The following TEC variants were observed in gnomAD, a reference collection of about 807,000 sequenced individuals.
The protein encoded by TEC is tyrosine-protein kinase Tec.
TEC carries 72 observed loss-of-function variants against 93.0 expected under a neutral mutation model. The ratio of observed to expected loss-of-function variants is 0.77; its 90% CI spans 0.64 to 0.94. The LOEUF (loss-of-function observed/expected upper bound fraction) is 0.94. TEC is among the 40% of genes least tolerant of loss of function. The probability of loss-of-function intolerance (pLI) is 0.00; values close to 1 mark genes in which losing one functional copy is unlikely to be tolerated. For missense variants in TEC, 630 were observed against 757.9 expected, an observed-to-expected ratio of 0.83 and a Z score of 1.98; for synonymous variants, 249 against 247.7, an observed-to-expected ratio of 1.01 and a Z score of -0.05.
intron 1 of TEC, among the ~76,000 whole-genome samples, chr4:48,258,028 A>G (rs1326746683): frequency 6.6e-6 from 1 of 152,210 alleles, no homozygotes; most frequent in African/African-American, 2.4e-5. Flanking sequence ...CAAGTCATAT[A>G]GTGAATGTTT....
intron 2 of TEC, among the ~76,000 whole-genome samples, chr4:48,204,127 C>T (rs1722625406): frequency 6.6e-6 from 1 of 152,158 alleles, no homozygotes; most frequent in Admixed American, 6.5e-5. Flanking sequence ...CTAGATTGGC[C>T]CTTGACTGGC....
chr4:48,159,285 A>G (rs745949597), intron 8 of TEC, among the ~76,000 whole-genome samples: 5 of 152,250 alleles, frequency 3.3e-5, no homozygotes, highest in African/African-American at 4.8e-5. Context: ...AGCATCTGAA[A>G]AAAGGCCTCA....
chr4:48,186,147 G>C (rs549823835), intron 2 of TEC, among the ~76,000 whole-genome samples: 1 of 152,236 alleles, frequency 6.6e-6, no homozygotes, highest in Non-Finnish European at 1.5e-5. Context: ...ACGGAGTCTC[G>C]CTCACTAGGT....
At chr4:48,181,630 G>A (rs976930034) in intron 2 of TEC, among the ~76,000 whole-genome samples, 19 of 149,278 alleles carry the variant, frequency 1.3e-4, no homozygotes, top group East Asian at 5.9e-4. Context: ...CCGAGATAGT[G>A]CCACTGCATT....
intron 15 of TEC, among the ~76,000 whole-genome samples, 189 bp downstream of exon 15, chr4:48,141,166 A>G (rs925830645): frequency 1.3e-5 from 2 of 152,178 alleles, no homozygotes; most frequent in African/African-American, 4.8e-5. Context: ...CAGGAAATAC[A>G]GTGTATTTAA....
chr4:48,238,045 C>G (rs948789556), intron 1 of TEC, among the ~76,000 whole-genome samples: 1 of 152,164 alleles, frequency 6.6e-6, no homozygotes, highest in African/African-American at 2.4e-5. Flanking sequence ...AATATATACT[C>G]TCAGCTTAAA....
chr4:48,171,060 A>G (rs565298117), intron 4 of TEC, among the ~76,000 whole-genome samples: 1 of 152,182 alleles, frequency 6.6e-6, no homozygotes, highest in Admixed American at 6.5e-5. Context: ...CAAAAAAAAA[A>G]CAAGAAAACA....
chr4:48,265,560 T>G (rs1485691742), intron 1 of TEC, among the ~76,000 whole-genome samples: 1 of 149,980 alleles, frequency 6.7e-6, no homozygotes, highest in African/African-American at 2.5e-5. Flanking sequence ...TTTCCCAGGT[T>G]GGAGTACAGT....
intron 2 of TEC, among the ~76,000 whole-genome samples, chr4:48,224,238 C>T (rs372308733): frequency 1.3e-5 from 2 of 152,154 alleles, no homozygotes; most frequent in South Asian, 2.1e-4. Flanking sequence ...AAAAAGCCAA[C>T]CAAATTAAGA....
intron 2 of TEC, among the ~76,000 whole-genome samples, chr4:48,206,986 C>A (rs556403848): frequency 1.1e-4 from 16 of 151,916 alleles, no homozygotes; most frequent in East Asian, 1.9e-4. Flanking sequence ...AACAAAAAAA[C>A]CCCACAAATA....
chr4:48,163,735 G>T lies in TEC; in HGVS notation c.704C>A (p.Thr235Lys). The change falls in exon 8 of 18, where the codon ACG becomes AAG. Residue 235 changes from threonine to lysine, a missense_variant. Around this residue, in one of 3 missense-constraint regions of TEC, gnomAD observed 335 missense variants for 351.5 expected, o/e 0.95. Transcript: ENST00000381501. ...NEGYIPSNYV[T>K]GKKSNNLDQY... ...ATCTAAGTTGTTTGATTTCTTTCCCGTTACGTAATTACTTGGGATATATCC... is the reference window on the plus strand; with the variant it reads ...ATCTAAGTTGTTTGATTTCTTTCCCTTTACGTAATTACTTGGGATATATCC... 3 of 1,502,958 alleles carry T rather than the reference G, an allele frequency of 2.0e-6. No individual in the cohort carries two copies. Among genetic ancestry groups the T allele is most frequent in the East Asian group, 2.3e-5 (1 of 42,554 alleles). The allele number at this position is 1,502,958 out of a possible 1,614,324, so 93.1% of individuals were successfully genotyped here. A position where few individuals can be genotyped will look rare whatever the true frequency, so the allele number is the denominator to read the frequency against.
chr4:48,171,571 C>T lies in TEC; in HGVS notation c.244-122G>A, dbSNP rs1721113690. 7.7e-6 allele frequency: 5 copies of T among 646,036 alleles called. No homozygotes were observed. In the Admixed American group the frequency reaches 1.1e-4, roughly 14 times the overall value. The allele number at this position is 646,036 out of a possible 1,614,324, so 40.0% of individuals were successfully genotyped here. A position where few individuals can be genotyped will look rare whatever the true frequency, so the allele number is the denominator to read the frequency against. On this transcript the variant is annotated intron_variant, in intron 3 of 17. Transcript: ENST00000381501. ...TTCTCAAATAACTGAAAGTCAATAA[C>T]TTCATATCCAGAAAACCCAGGTTAC... is the stretch of plus-strand genomic sequence containing the variant.
chr4:48,160,769 A>AGAAAG (rs1306160736), intron 8 of TEC, among the ~76,000 whole-genome samples: 3,080 of 144,634 alleles, frequency 0.021, 52 homozygotes, highest in Middle Eastern at 0.072. Flanking sequence ...AAGAAAAGAA[A>AGAAAG]AAAAGAAAGA....
At chr4:48,180,822 G>C (rs780394129) in intron 2 of TEC, among the ~76,000 whole-genome samples, 2 of 152,144 alleles carry the variant, frequency 1.3e-5, no homozygotes, top group Non-Finnish European at 2.9e-5. Context: ...CAGTACTGCG[G>C]TGTGTTTTTA....
rs751140099 is a variant in TEC, at chr4:48,167,935, T to C, written c.514A>G (p.Ile172Val). ...CTATTATCTTCTTCTTCTAGTGGAA[T>C]TGGTGGGGGAGGCCTTCGCTAGACA... Reference protein sequence around the residue: ...ETKKRRPPPPIPLEEEDNSEE... With the variant: ...ETKKRRPPPPVPLEEEDNSEE... Residue 172 changes from isoleucine to valine, a missense_variant, in exon 7 of 18, where the codon ATT becomes GTT. Ile to Val is a conservative substitution (Grantham distance 29). Coordinates refer to ENST00000381501, the MANE Select transcript of TEC (RefSeq NM_003215.3). 6.2e-7 allele frequency: 1 copy of C among 1,613,822 alleles called. No individual in the cohort carries two copies. The highest frequency in any genetic ancestry group is 1.1e-5 in the South Asian group (1 of 91,070).
intron 1 of TEC, among the ~76,000 whole-genome samples, chr4:48,265,086 G>T (rs1056603083): frequency 6.6e-6 from 1 of 151,940 alleles, no homozygotes; most frequent in African/African-American, 2.4e-5. Flanking sequence ...ATCTGTGCAG[G>T]AAGGAAAAAA....
At chr4:48,242,720 G>A (rs1437939893) in intron 1 of TEC, among the ~76,000 whole-genome samples, 1 of 152,176 alleles carries the variant, frequency 6.6e-6, no homozygotes, top group Admixed American at 6.6e-5. Context: ...CAGAAGCTCA[G>A]AGATACTATC....
chr4:48,173,970 A>G (rs1721222439), intron 3 of TEC, among the ~76,000 whole-genome samples: 1 of 152,144 alleles, frequency 6.6e-6, no homozygotes, highest in Non-Finnish European at 1.5e-5. Flanking sequence ...TATTGTTTTC[A>G]CTTTGCATCT....
chr4:48,230,688 G>C (rs1232099944), intron 1 of TEC, among the ~76,000 whole-genome samples: 1 of 152,166 alleles, frequency 6.6e-6, no homozygotes, highest in Non-Finnish European at 1.5e-5. Flanking sequence ...TCCTTAGTCT[G>C]ACACGAGAGA....
Sources: allele counts gnomAD v4.1 joint callset (sites outside exome capture counted in the v4.1 genomes callset), GRCh38; gene constraint gnomAD v4.1.1; regional missense constraint gnomAD v4.1.1; transcripts MANE v1.5; gene names NCBI Gene and HGNC (gene_info 2026-07-23, HGNC 2026-07-21).